Variants in GPATCH2 observed in about 807,000 individuals in gnomAD.
The protein encoded by GPATCH2 is G patch domain-containing protein 2.
In GPATCH2, 51 loss-of-function variants were observed where a neutral mutation model predicts 58.0. The observed-to-expected ratio is 0.88, with a 90% confidence interval of 0.70 to 1.11. The LOEUF is 1.11. GPATCH2 is among the 50% of genes most tolerant of loss of function. The pLI, the probability that GPATCH2 is intolerant of heterozygous loss-of-function variation, is 0.00. For missense variants in GPATCH2, 625 were observed against 652.2 expected, an observed-to-expected ratio of 0.96 and a Z score of 0.45; for synonymous variants, 222 against 218.5, an observed-to-expected ratio of 1.02 and a Z score of -0.14.
chr1:217,465,470 T>C (rs922557015), intron 8 of GPATCH2, among the ~76,000 whole-genome samples: 4 of 152,170 alleles, frequency 2.6e-5, no homozygotes, highest in Admixed American at 2.6e-4. Flanking sequence ...AAATCTCAAC[T>C]TGAATTGTAT....
At chr1:217,556,658 T>C (rs1201669083) in intron 5 of GPATCH2, among the ~76,000 whole-genome samples, 2 of 152,242 alleles carry the variant, frequency 1.3e-5, no homozygotes, top group African/African-American at 4.8e-5. Context: ...TTACAAAGAT[T>C]GCTACTATGG....
chr1:217,572,370 T>C (rs1666609870), intron 5 of GPATCH2, among the ~76,000 whole-genome samples: 1 of 152,166 alleles, frequency 6.6e-6, no homozygotes, highest in Admixed American at 6.5e-5. Flanking sequence ...GAAAACCATA[T>C]TATATGATGA....
At chr1:217,558,635 A>T (rs979192343) in intron 5 of GPATCH2, among the ~76,000 whole-genome samples, 1 of 151,976 alleles carries the variant, frequency 6.6e-6, no homozygotes, top group Non-Finnish European at 1.5e-5. Context: ...TCAAAACTCA[A>T]ACAAGTTGTG....
intron 8 of GPATCH2, among the ~76,000 whole-genome samples, chr1:217,463,286 A>G (rs752077368): frequency 3.0e-4 from 46 of 152,184 alleles, no homozygotes; most frequent in Admixed American, 5.2e-4. Context: ...TAGTTTCTCA[A>G]GCTGATTTCC....
chr1:217,630,574 A>G (rs989036422), intron 1 of GPATCH2, among the ~76,000 whole-genome samples: 6 of 152,142 alleles, frequency 3.9e-5, no homozygotes, highest in Non-Finnish European at 7.4e-5. Context: ...TTGAAAGAGG[A>G]GTGGGGAATA....
At chr1:217,552,132 C>A (rs1277365919) in intron 5 of GPATCH2, among the ~76,000 whole-genome samples, 1 of 151,942 alleles carries the variant, frequency 6.6e-6, no homozygotes, top group Non-Finnish European at 1.5e-5. Context: ...AACAAACCAA[C>A]CTGATGTATA....
chr1:217,612,168 G>A lies in GPATCH2; in HGVS notation c.836-1097C>T, dbSNP rs146081748. The stretch of plus-strand genomic sequence containing the variant: ...AGCCCTCCAGCCTGGACCACAGGGC[G>A]AGACCTTGTGTTAAAAAAAAAAGAT... On this transcript the variant is annotated intron_variant, in intron 3 of 9. Coordinates refer to ENST00000366935, the MANE Select transcript of GPATCH2 (RefSeq NM_018040.5). Among the ~76,000 whole-genome samples, 624 of 151,810 alleles carry A rather than the reference G, an allele frequency of 4.1e-3. 6 individuals carry two copies. Among genetic ancestry groups the A allele is most frequent in the African/African-American group, 0.014 (581 of 41,380 alleles).
intron 5 of GPATCH2, among the ~76,000 whole-genome samples, chr1:217,596,090 GAAGA>G (rs1254479101): frequency 6.6e-6 from 1 of 152,184 alleles, no homozygotes; most frequent in Non-Finnish European, 1.5e-5. Flanking sequence ...TGAAGTGGTA[GAAGA>G]AAGAATTGAT....
chr1:217,503,825 G>A (rs550350962), intron 6 of GPATCH2, among the ~76,000 whole-genome samples: 16 of 152,126 alleles, frequency 1.1e-4, no homozygotes, highest in Non-Finnish European at 2.2e-4. Context: ...GTGCCAGCAT[G>A]TACTATTCCA....
chr1:217,473,789 CAAATGAATATATGA>C (rs1410604452), intron 8 of GPATCH2, among the ~76,000 whole-genome samples: 1 of 152,212 alleles, frequency 6.6e-6, no homozygotes, highest in Admixed American at 6.5e-5. Context: ...GAAAACACAT[CAAATGAATATATGA>C]AAATAATGTC....
chr1:217,508,776 T>C (rs1340368898), intron 6 of GPATCH2, among the ~76,000 whole-genome samples: 1 of 152,164 alleles, frequency 6.6e-6, no homozygotes. Flanking sequence ...TAGATACTAA[T>C]TTCTCTAGCT....
At chr1:217,503,097 G>A (rs1315975859) in intron 6 of GPATCH2, among the ~76,000 whole-genome samples, 1 of 152,046 alleles carries the variant, frequency 6.6e-6, no homozygotes, top group Non-Finnish European at 1.5e-5. Context: ...ATTTGGGTAG[G>A]AAGAATAAAA....
At chr1:217,567,133 A>G (rs1346073751) in intron 5 of GPATCH2, among the ~76,000 whole-genome samples, 2 of 143,130 alleles carry the variant, frequency 1.4e-5, no homozygotes, top group East Asian at 2.1e-4. Flanking sequence ...TGCAACCTCC[A>G]CCTCCTAGGT....
intron 5 of GPATCH2, among the ~76,000 whole-genome samples, chr1:217,541,688 C>T (rs1664750099): frequency 6.6e-6 from 1 of 152,142 alleles, no homozygotes; most frequent in Admixed American, 6.5e-5. Flanking sequence ...TAAAAATTAG[C>T]AATAGTTAAA....
At chr1:217,576,364 A>C (rs1666803665) in intron 5 of GPATCH2, among the ~76,000 whole-genome samples, 1 of 152,160 alleles carries the variant, frequency 6.6e-6, no homozygotes, top group African/African-American at 2.4e-5. Context: ...CATTACCACA[A>C]AGTTTATAAC....
intron 5 of GPATCH2, among the ~76,000 whole-genome samples, chr1:217,534,047 C>T (rs567808375): frequency 6.6e-6 from 1 of 152,120 alleles, no homozygotes; most frequent in East Asian, 1.9e-4. Flanking sequence ...GAAACCCCAC[C>T]TCTACTAAAA....
At chr1:217,609,232 C>T in intron 5 of GPATCH2, 1 of 983,796 alleles carries the variant, frequency 1.0e-6, no homozygotes, top group Non-Finnish European at 1.2e-6. Flanking sequence ...AAAATGAGCT[C>T]ATGCAAGTAT....
At chr1:217,540,690 A>G (rs926616113) in intron 5 of GPATCH2, among the ~76,000 whole-genome samples, 1 of 152,216 alleles carries the variant, frequency 6.6e-6, no homozygotes, top group African/African-American at 2.4e-5. Flanking sequence ...ACTATTCAAG[A>G]TAAGTCTTTT....
chr1:217,460,701 T>C (rs1049460839), intron 8 of GPATCH2, among the ~76,000 whole-genome samples: 2 of 152,254 alleles, frequency 1.3e-5, no homozygotes, highest in African/African-American at 4.8e-5. Flanking sequence ...AATCTGTCTA[T>C]TCACAATTAT....
Sources: gnomAD v4.1 joint callset for allele counts (sites outside exome capture counted in the v4.1 genomes callset) on GRCh38, gnomAD v4.1.1 for gene constraint, MANE v1.5 for transcripts, NCBI Gene and HGNC (gene_info 2026-07-23, HGNC 2026-07-21) for gene names.